Variants in SYT1 observed in about 807,000 individuals in gnomAD.
SYT1 encodes synaptotagmin 1, also known as synaptotagmin-1.
A neutral mutation model predicts 44.8 loss-of-function variants in SYT1; 8 were observed. The ratio of observed to expected loss-of-function variants is 0.18; its 90% CI spans 0.10 to 0.32. SYT1 has a LOEUF of 0.32. SYT1 is among the 10% of genes least tolerant of loss of function. SYT1 has a pLI of 1.00. For missense variants in SYT1, 286 were observed against 509.3 expected (o/e 0.56, Z 4.22); for synonymous variants, 154 against 188.8 (o/e 0.82, Z 1.51).
chr12:79,342,287 A>G (rs1225756683), intron 8 of SYT1, among the ~76,000 whole-genome samples: 3 of 152,130 alleles, frequency 2.0e-5, no homozygotes, highest in African/African-American at 7.2e-5. Context: ...GCTGGAGTGC[A>G]GTGCCACAAT....
chr12:79,142,109 A>T (rs188453044), intron 3 of SYT1, among the ~76,000 whole-genome samples: 1 of 152,232 alleles, frequency 6.6e-6, no homozygotes, highest in Admixed American at 6.5e-5. Flanking sequence ...GTGCCTGTGC[A>T]TATCTCAAGA....
intron 9 of SYT1, among the ~76,000 whole-genome samples, chr12:79,387,909 C>T (rs1884497578): frequency 1.3e-5 from 2 of 152,268 alleles, no homozygotes; most frequent in South Asian, 4.1e-4. Context: ...GTTTGGCATA[C>T]AAATAATTGC....
At chr12:78,956,531 C>T (rs749175493) in intron 1 of SYT1, among the ~76,000 whole-genome samples, 30 of 149,930 alleles carry the variant, frequency 2.0e-4, no homozygotes, top group Non-Finnish European at 3.6e-4. Flanking sequence ...GAATGTGGCC[C>T]AAACACCTGA....
intron 9 of SYT1, among the ~76,000 whole-genome samples, chr12:79,357,955 C>T (rs530756239): frequency 7.9e-5 from 12 of 152,280 alleles, no homozygotes; most frequent in Non-Finnish European, 1.5e-4. Context: ...GGCTGTGTGT[C>T]TCATAGTTTT....
rs1468280934 is a variant in SYT1 at position 79,285,769 on chromosome 12, T to C, written c.167-18T>C. On this transcript the variant is annotated intron_variant, in intron 4 of 10. Coordinates refer to ENST00000261205, the MANE Select transcript of SYT1 (RefSeq NM_005639.3). The stretch of plus-strand genomic sequence containing the variant: ...TCTAAGTGTTGTATGACTAGTGCTC[T>C]CTGTGTGTTTCTTTCAGTGCCACCG... 2.5e-6 allele frequency: 4 copies of C among 1,578,158 alleles called. No homozygotes were observed. The highest frequency in any genetic ancestry group is 3.4e-6 in the Non-Finnish European group (4 of 1,159,984).
intron 3 of SYT1, among the ~76,000 whole-genome samples, chr12:79,064,928 G>C (rs140504590): frequency 0.033 from 1,158 of 34,624 alleles, 6 homozygotes; most frequent in Non-Finnish European, 0.051. Context: ...AAAATAGAGA[G>C]AAAGAAAGAA....
intron 3 of SYT1, among the ~76,000 whole-genome samples, chr12:79,138,339 A>G (rs150069720): frequency 6.6e-6 from 1 of 152,354 alleles, no homozygotes; most frequent in African/African-American, 2.4e-5. Flanking sequence ...CAGGGCATCA[A>G]ATTTATATTT....
At chr12:78,992,873 A>G (rs1182506422) in intron 2 of SYT1, among the ~76,000 whole-genome samples, 1 of 152,156 alleles carries the variant, frequency 6.6e-6, no homozygotes, top group Non-Finnish European at 1.5e-5. Flanking sequence ...CACTTGTGGG[A>G]AAAAAGCAAA....
intron 2 of SYT1, among the ~76,000 whole-genome samples, chr12:79,038,132 T>G (rs1873262401): frequency 6.6e-6 from 1 of 151,240 alleles, no homozygotes; most frequent in Non-Finnish European, 1.5e-5. Flanking sequence ...ATGTCATTTT[T>G]TCTCTATCTT....
chr12:79,235,580 G>A (rs1876139927), intron 4 of SYT1, among the ~76,000 whole-genome samples: 1 of 149,640 alleles, frequency 6.7e-6, no homozygotes, highest in Admixed American at 6.7e-5. Flanking sequence ...GTCACAGAAT[G>A]GGAGAGAATA....
At chr12:79,030,460 A>G (rs1488950890) in intron 2 of SYT1, among the ~76,000 whole-genome samples, 1 of 151,128 alleles carries the variant, frequency 6.6e-6, no homozygotes, top group Non-Finnish European at 1.5e-5. Context: ...CATAGAAAGA[A>G]TGGTCACCCT....
intron 1 of SYT1, among the ~76,000 whole-genome samples, chr12:78,879,235 C>G (rs1874331403): frequency 6.6e-6 from 1 of 151,730 alleles, no homozygotes; most frequent in Non-Finnish European, 1.5e-5. Context: ...GCATAAGATA[C>G]TCTGAGTGAC....
chr12:79,018,377 A>T (rs1013443301), intron 2 of SYT1, among the ~76,000 whole-genome samples: 1 of 151,744 alleles, frequency 6.6e-6, no homozygotes, highest in Non-Finnish European at 1.5e-5. Flanking sequence ...TAGCATTAGG[A>T]GATATACCTA....
chr12:79,397,589 G>C (rs1006209409), intron 9 of SYT1, among the ~76,000 whole-genome samples: 3 of 152,182 alleles, frequency 2.0e-5, no homozygotes, highest in African/African-American at 7.2e-5. Context: ...TCTGGTTGCT[G>C]TGTGGAAGTT....
In SYT1 at chr12:79,379,413, A is replaced by G. The variant is rs1428907915; in HGVS notation, c.928+25794A>G. On this transcript the variant is annotated intron_variant, in intron 9 of 10. Coordinates refer to ENST00000261205, the MANE Select transcript of SYT1 (RefSeq NM_005639.3). ...AAATGTACCAGCTGTGTACCATTCCAAGGAGTCCTCTGAGAACCCTGAAAA... is the reference window on the plus strand; with the variant it reads ...AAATGTACCAGCTGTGTACCATTCCGAGGAGTCCTCTGAGAACCCTGAAAA... Among the ~76,000 whole-genome samples the G allele has an allele frequency of 2.0e-5, 3 of 152,274 alleles. No individual in the cohort carries two copies. In the East Asian group the frequency reaches 5.8e-4, roughly 29 times the overall value.
At chr12:79,213,942 A>T (rs1416016557) in intron 3 of SYT1, among the ~76,000 whole-genome samples, 2 of 152,194 alleles carry the variant, frequency 1.3e-5, no homozygotes, top group Non-Finnish European at 2.9e-5. Context: ...AAAACAAAAA[A>T]TGAAGTCATC....
intron 9 of SYT1, among the ~76,000 whole-genome samples, chr12:79,417,499 C>T (rs976831122): frequency 6.6e-6 from 1 of 152,084 alleles, no homozygotes. Flanking sequence ...CCTGCCTTGA[C>T]GTTACTACCA....
intron 2 of SYT1, among the ~76,000 whole-genome samples, chr12:79,043,142 C>T (rs1592692855): frequency 6.6e-6 from 1 of 150,866 alleles, no homozygotes; most frequent in East Asian, 2.0e-4. Context: ...TCTATTAGGT[C>T]CGCTTGGTGC....
intron 3 of SYT1, among the ~76,000 whole-genome samples, chr12:79,159,865 G>A (rs1870841678): frequency 6.6e-6 from 1 of 152,200 alleles, no homozygotes; most frequent in African/African-American, 2.4e-5. Flanking sequence ...GAGTTAAAAT[G>A]TAGCAGGGAA....
Sources: allele counts gnomAD v4.1 joint callset (sites outside exome capture counted in the v4.1 genomes callset), GRCh38; gene constraint gnomAD v4.1.1; transcripts MANE v1.5; gene names NCBI Gene and HGNC (gene_info 2026-07-23, HGNC 2026-07-21).